Variants in SP100 observed in about 807,000 individuals in gnomAD.
SP100 encodes nuclear autoantigen Sp-100.
SP100 carries 84 observed loss-of-function variants against 130.0 expected under a neutral mutation model. The ratio of observed to expected loss-of-function variants is 0.65; its 90% CI spans 0.54 to 0.77. The LOEUF is 0.77. Ranked by LOEUF, SP100 falls within the 30% of genes least tolerant of loss-of-function variation. SP100 has a pLI of 0.00. For synonymous variants in SP100, 331 were observed against 351.7 expected, an observed-to-expected ratio of 0.94 and a Z score of 0.66; for missense variants, 978 against 1,052.2, an observed-to-expected ratio of 0.93 and a Z score of 0.97.
At chr2:230,498,760 G>T (rs2066842095) in intron 19 of SP100, among the ~76,000 whole-genome samples, 1 of 152,136 alleles carries the variant, frequency 6.6e-6, no homozygotes, top group African/African-American at 2.4e-5. Flanking sequence ...GGAGCTGCTT[G>T]CAGTGCTTCC....
At chr2:230,447,898 T>A (rs931119979) in intron 5 of SP100, among the ~76,000 whole-genome samples, 4 of 152,172 alleles carry the variant, frequency 2.6e-5, no homozygotes, top group Non-Finnish European at 4.4e-5. Context: ...CCCTCTAATC[T>A]CATGTTCAGC....
chr2:230,515,939 GT>G (rs1353714805), intron 24 of SP100: 1 of 1,052,304 alleles, frequency 9.5e-7, no homozygotes, highest in African/African-American at 1.7e-5. Flanking sequence ...GAGGATGGTA[GT>G]TTTTTCACCT....
In SP100 at chr2:230,539,270, G is replaced by A. The variant is rs774184262; in HGVS notation, c.2098G>A (p.Glu700Lys). The part of the protein sequence containing the change: ...HNNTLVDPCP[E>K]NSNICEVCNK... ...ATGTCTACATCTCCCCTTCTAGCCG[G>A]AAAACTCAAATATATGTGAGGTGTG... is the stretch of plus-strand genomic sequence containing the variant. The change falls in exon 25 of 29, where the codon GAA (glutamate) becomes AAA (lysine). Residue 700 changes from glutamate (E) to lysine (K), a missense_variant. By Grantham distance (56) the Glu-to-Lys change is moderately conservative (BLOSUM62 1). Transcript: ENST00000340126. The A allele has an allele frequency of 6.2e-7, 1 of 1,612,350 alleles. No individual in the cohort carries two copies. The highest frequency in any genetic ancestry group is 1.1e-5 in the South Asian group (1 of 91,004).
chr2:230,489,967 C>G (rs934628769), intron 17 of SP100, among the ~76,000 whole-genome samples: 2 of 152,076 alleles, frequency 1.3e-5, no homozygotes, highest in Non-Finnish European at 2.9e-5. Flanking sequence ...TACCATGTGA[C>G]ACTGAAAAGA....
Position 230,542,706 on chromosome 2 carries a change from A to C in SP100, c.2548-130A>C, listed in dbSNP as rs1692225828. The C allele has an allele frequency of 1.7e-5, 9 of 530,382 alleles. No individual in the cohort carries two copies. In the South Asian group the frequency reaches 2.7e-4, roughly 16 times the overall value. 32.9% of individuals were successfully genotyped at this position (530,382 alleles called of 1,614,324 possible). ...AATAATTAAATTATCAAGGAACATAAGCAACTCAAGTAGATTAATTCTCAC... is the reference window on the plus strand; with the variant it reads ...AATAATTAAATTATCAAGGAACATACGCAACTCAAGTAGATTAATTCTCAC... On this transcript the variant is annotated intron_variant, in intron 28 of 28. Coordinates refer to ENST00000340126, the MANE Select transcript of SP100 (RefSeq NM_001080391.2).
chr2:230,498,445 T>A lies in SP100; in HGVS notation c.1646-16T>A, dbSNP rs1417990410. On this transcript the variant is annotated splice_polypyrimidine_tract_variant and intron_variant, in intron 18 of 28. Transcript: ENST00000340126. ...TTTTTTACACCATCCATATTTATATTTTCCTATTTTCTCAGGGAGAAAGAA... is the reference window on the plus strand; with the variant it reads ...TTTTTTACACCATCCATATTTATATATTCCTATTTTCTCAGGGAGAAAGAA... 1 of 1,444,300 alleles carries A rather than the reference T, an allele frequency of 6.9e-7. No individual in the cohort carries two copies. The highest frequency in any genetic ancestry group is 1.5e-5 in the African/African-American group (1 of 67,262). The allele number at this position is 1,444,300 out of a possible 1,614,324, so 89.5% of individuals were successfully genotyped here.
chr2:230,465,210 TG>T lies in SP100; in HGVS notation c.1141+1063del, dbSNP rs200417358. The stretch of plus-strand genomic sequence containing the variant: ...AAGATCATACCACTGCACTCCAGCC[TG>T]GGTGACAGAGCAAGACTCCATCTCA... On this transcript the variant is annotated intron_variant, in intron 11 of 28. Coordinates refer to ENST00000340126, the MANE Select transcript of SP100 (RefSeq NM_001080391.2). Among the ~76,000 whole-genome samples the T allele has an allele frequency of 2.9e-3, 439 of 151,682 alleles. 3 individuals carry two copies. The highest frequency in any genetic ancestry group is 0.01 in the African/African-American group (414 of 41,300).
At chr2:230,477,641 T>C (rs916274038) in intron 17 of SP100, among the ~76,000 whole-genome samples, 6 of 152,168 alleles carry the variant, frequency 3.9e-5, no homozygotes, top group Non-Finnish European at 7.4e-5. Context: ...TCTTTTGTAA[T>C]TGAAGGCACT....
chr2:230,458,578 A>G (rs1047596224), intron 8 of SP100, among the ~76,000 whole-genome samples: 7 of 152,232 alleles, frequency 4.6e-5, no homozygotes, highest in African/African-American at 1.7e-4. Flanking sequence ...GTTGTTGAAT[A>G]GAAATATGTT....
chr2:230,534,337 C>T (rs564035810), intron 24 of SP100, among the ~76,000 whole-genome samples: 5 of 152,116 alleles, frequency 3.3e-5, no homozygotes, highest in African/African-American at 7.2e-5. Flanking sequence ...ACCCAGGAGG[C>T]GGAGGTTGCA....
At chr2:230,419,940 T>C (rs924006339) in intron 2 of SP100, among the ~76,000 whole-genome samples, 1 of 152,208 alleles carries the variant, frequency 6.6e-6, no homozygotes, top group East Asian at 1.9e-4. Context: ...TTAGTTACTA[T>C]GATTTTATAG....
At chr2:230,541,819 A>C (rs989591376) in intron 27 of SP100, 73 bp from the exon 28 acceptor site, 22 of 1,519,988 alleles carry the variant, frequency 1.4e-5, no homozygotes, top group Non-Finnish European at 2.0e-5. Context: ...GGAACTCCAC[A>C]AACCTTTATT....
chr2:230,523,027 C>T (rs1221842750), intron 24 of SP100, among the ~76,000 whole-genome samples: 3 of 151,764 alleles, frequency 2.0e-5, no homozygotes. Flanking sequence ...GTTGCCCAGG[C>T]TGGTCTCAAA....
chr2:230,503,201 G>C (rs963363277), intron 20 of SP100, 91 bp downstream of exon 20: 2 of 902,872 alleles, frequency 2.2e-6, no homozygotes, highest in Non-Finnish European at 3.4e-6. Flanking sequence ...TTCTTAATTG[G>C]CATATGGAGC....
intron 2 of SP100, among the ~76,000 whole-genome samples, chr2:230,436,244 A>G (rs949878618): frequency 3.3e-5 from 5 of 151,994 alleles, no homozygotes; most frequent in Non-Finnish European, 7.4e-5. Context: ...ATTGAGTCTG[A>G]GTATTTTTTT....
chr2:230,418,029 T>A (rs1373182843), intron 2 of SP100, among the ~76,000 whole-genome samples: 1 of 152,208 alleles, frequency 6.6e-6, no homozygotes, highest in East Asian at 1.9e-4. Flanking sequence ...TCTTAGTTTT[T>A]ACAATTATTT....
intron 5 of SP100, among the ~76,000 whole-genome samples, 189 bp downstream of exon 5, chr2:230,447,091 C>G (rs980083461): frequency 4.6e-5 from 7 of 152,090 alleles, no homozygotes; most frequent in African/African-American, 1.7e-4. Context: ...GCTCAATAAC[C>G]ATGAGGGAAT....
chr2:230,527,904 T>C (rs1023367685), intron 24 of SP100, among the ~76,000 whole-genome samples: 2 of 152,132 alleles, frequency 1.3e-5, no homozygotes, highest in African/African-American at 4.8e-5. Context: ...ATGCACCCAA[T>C]ACAGGAGCAC....
chr2:230,420,729 G>A (rs1169335656), intron 2 of SP100, among the ~76,000 whole-genome samples: 1 of 148,776 alleles, frequency 6.7e-6, no homozygotes, highest in Non-Finnish European at 1.5e-5. Context: ...TTTCACCAAA[G>A]TAAAACATAT....
Sources: allele counts gnomAD v4.1 joint callset (sites outside exome capture counted in the v4.1 genomes callset), GRCh38; gene constraint gnomAD v4.1.1; transcripts MANE v1.5; gene names NCBI Gene and HGNC (gene_info 2026-07-23, HGNC 2026-07-21).